The following HECTD4 variants were observed in gnomAD, a reference collection of about 807,000 sequenced individuals.
The protein encoded by HECTD4 is HECT domain E3 ubiquitin protein ligase 4, also known as probable E3 ubiquitin-protein ligase HECTD4.
HECTD4 carries 114 observed loss-of-function variants against 471.5 expected under a neutral mutation model. The observed-to-expected ratio is 0.24, with a 90% CI of 0.21 to 0.28. The LOEUF (loss-of-function observed/expected upper bound fraction) is 0.28. HECTD4 is among the 10% of genes least tolerant of loss of function. The pLI is 1.00. For synonymous variants in HECTD4, 2,012 were observed against 2,256.0 expected, an observed-to-expected ratio of 0.89 and a Z score of 3.07; for missense variants, 3,866 against 5,651.5, an observed-to-expected ratio of 0.68 and a Z score of 10.13.
At chr12:112,366,879 T>G (rs1258952014) in intron 1 of HECTD4, among the ~76,000 whole-genome samples, 30 of 129,948 alleles carry the variant, frequency 2.3e-4, no homozygotes, top group African/African-American at 8.2e-4. Context: ...AAACTCTGTC[T>G]CAAAAAAAAA....
rs576653569 is a variant in HECTD4, at chr12:112,182,668, C to T, written c.10987+391G>A. On this transcript the variant is annotated intron_variant, in intron 62 of 75. Coordinates refer to ENST00000682272, the MANE Select transcript of HECTD4 (RefSeq NM_001388303.1). The stretch of plus-strand genomic sequence containing the variant: ...AAGGAAAAAATGACTTGAATACAAG[C>T]CCACATTCAAGCCTGTTGCAGGCGG... Among the ~76,000 whole-genome samples the T allele has an allele frequency of 1.0e-4, 16 of 152,382 alleles. No individual in the cohort carries two copies. In the South Asian group the frequency reaches 3.3e-3, roughly 32 times the overall value.
At chr12:112,258,228 A>C (rs1163135966) in intron 20 of HECTD4, among the ~76,000 whole-genome samples, 1 of 152,000 alleles carries the variant, frequency 6.6e-6, no homozygotes, top group Non-Finnish European at 1.5e-5. Flanking sequence ...TGCCTGCCAA[A>C]GTCATAATAT....
intron 44 of HECTD4, among the ~76,000 whole-genome samples, chr12:112,221,012 C>T (rs539225044): frequency 3.6e-4 from 55 of 151,984 alleles, no homozygotes; most frequent in Non-Finnish European, 6.9e-4. Context: ...AGTGCAATGG[C>T]GCAATCTCGG....
chr12:112,200,882 T>TGC, intron 54 of HECTD4, 84 bp from the exon 55 acceptor site: 1 of 1,111,936 alleles, frequency 9.0e-7, no homozygotes, highest in Non-Finnish European at 1.3e-6. Context: ...TGTGCGTGCG[T>TGC]GCGTGTGTGT....
intron 55 of HECTD4, among the ~76,000 whole-genome samples, chr12:112,195,634 G>T (rs2032218134): frequency 6.6e-6 from 1 of 152,168 alleles, no homozygotes. Context: ...CTATGGATAT[G>T]GGGTTTCTTT....
In HECTD4 at chr12:112,357,014, G is replaced by A. The variant is rs546527811; in HGVS notation, c.177+24938C>T. The stretch of plus-strand genomic sequence containing the variant: ...TACTTTGAGAGGCATTGTTCTGTAC[G>A]GAACATACTTTATTTTCCAGAGTAA... On this transcript the variant is annotated intron_variant, in intron 1 of 75. Transcript: ENST00000682272. Among the ~76,000 whole-genome samples, 9 of 152,148 alleles carry A rather than the reference G, an allele frequency of 5.9e-5. No homozygotes were observed. In the East Asian group the frequency reaches 1.7e-3, roughly 29 times the overall value.
chr12:112,298,881 C>CAA (rs374274010), intron 7 of HECTD4, among the ~76,000 whole-genome samples: 4 of 90,296 alleles, frequency 4.4e-5, no homozygotes, highest in Admixed American at 1.1e-4. Context: ...GACTCCATCT[C>CAA]AAAAAAAAAA....
chr12:112,279,941 T>G (rs1375347910), intron 8 of HECTD4, among the ~76,000 whole-genome samples: 2 of 152,216 alleles, frequency 1.3e-5, no homozygotes, highest in African/African-American at 4.8e-5. Context: ...CATCTGAGAT[T>G]AGTGAGAACA....
intron 66 of HECTD4, among the ~76,000 whole-genome samples, chr12:112,174,099 T>TCC (rs1241970509): frequency 6.6e-6 from 1 of 151,690 alleles, no homozygotes; most frequent in Non-Finnish European, 1.5e-5. Flanking sequence ...TGCCTCAGCC[T>TCC]CCCAAGTAGC....
intron 25 of HECTD4, among the ~76,000 whole-genome samples, chr12:112,249,192 T>C (rs895255741): frequency 2.0e-5 from 3 of 152,040 alleles, no homozygotes; most frequent in Non-Finnish European, 4.4e-5. Context: ...CCGTCTCTAC[T>C]AAAAACACAA....
chr12:112,162,987 A>C lies in HECTD4; in HGVS notation c.13120+55T>G. On this transcript the variant is annotated intron_variant, in intron 75 of 75. Transcript: ENST00000682272. The surrounding 1 kb of genome is among the most constrained non-coding windows in gnomAD (Gnocchi z 5.2). ...ATGGGGCCTGGCAGCCCCAGTTCCAAACAGAGAAAGGCTAGTGTGTCCCTA... is the reference window on the plus strand; with the variant it reads ...ATGGGGCCTGGCAGCCCCAGTTCCACACAGAGAAAGGCTAGTGTGTCCCTA... The C allele has an allele frequency of 7.2e-7, 1 of 1,391,710 alleles. No homozygotes were observed. The highest frequency in any genetic ancestry group is 1.0e-6 in the Non-Finnish European group (1 of 1,003,302). The allele number at this position is 1,391,710 out of a possible 1,614,324, so 86.2% of individuals were successfully genotyped here.
chr12:112,238,250 C>G (rs964623144), intron 34 of HECTD4, among the ~76,000 whole-genome samples: 5 of 151,988 alleles, frequency 3.3e-5, no homozygotes, highest in South Asian at 4.2e-4. Flanking sequence ...GGGTCTCGCT[C>G]TGTTGCCCAG....
rs772945401 is a variant in HECTD4, at chr12:112,164,090, GAC to G, written c.12701+17_12701+18del. On this transcript the variant is annotated intron_variant, in intron 73 of 75. Transcript: ENST00000682272. ...GCCGGGCCAGCCCCTGCCAGCCCCTGACACGCGCACACACTCACGCCACAAGG... is the reference window on the plus strand; with the variant it reads ...GCCGGGCCAGCCCCTGCCAGCCCCTGACGCGCACACACTCACGCCACAAGG... 1.1e-4 allele frequency: 152 copies of G among 1,446,448 alleles called. No individual in the cohort carries two copies. In the Middle Eastern group the frequency reaches 1.5e-3, roughly 14 times the overall value. The allele number at this position is 1,446,448 out of a possible 1,614,324, so 89.6% of individuals were successfully genotyped here. A position where few individuals can be genotyped will look rare whatever the true frequency, so the allele number is the denominator to read the frequency against.
intron 7 of HECTD4, among the ~76,000 whole-genome samples, chr12:112,285,041 T>C (rs1292650359): frequency 6.6e-6 from 1 of 152,136 alleles, no homozygotes; most frequent in Non-Finnish European, 1.5e-5. Flanking sequence ...TTTTGCCATG[T>C]TGCCCAGGCT....
intron 1 of HECTD4, among the ~76,000 whole-genome samples, chr12:112,352,662 G>A (rs1477598690): frequency 2.0e-5 from 3 of 149,364 alleles, no homozygotes; most frequent in African/African-American, 7.4e-5. Context: ...GCTGAAGTAC[G>A]GTGGTGCCAT....
At chr12:112,206,505 TA>T (rs1288420367) in intron 52 of HECTD4, among the ~76,000 whole-genome samples, 1 of 144,330 alleles carries the variant, frequency 6.9e-6, no homozygotes, top group Non-Finnish European at 1.5e-5. Flanking sequence ...AAAAAAATAA[TA>T]AAAAAAGTGG....
intron 59 of HECTD4, among the ~76,000 whole-genome samples, chr12:112,191,185 G>A (rs1182103813): frequency 6.6e-6 from 1 of 152,216 alleles, no homozygotes; most frequent in African/African-American, 2.4e-5. Context: ...GCTTACTGGG[G>A]TGGATTTGGC....
chr12:112,230,906 G>A (rs1399914284), intron 39 of HECTD4, 84 bp from the exon 40 acceptor site: 1 of 1,304,386 alleles, frequency 7.7e-7, no homozygotes, highest in East Asian at 2.6e-5. Context: ...AGCATCAGAG[G>A]AAAACCTTTT....
At chr12:112,175,101 ACT>A (rs1196904300) in intron 66 of HECTD4, among the ~76,000 whole-genome samples, 2 of 152,114 alleles carry the variant, frequency 1.3e-5, no homozygotes, top group Admixed American at 1.3e-4. Flanking sequence ...GCAAAGTGTG[ACT>A]CTGAGGATAA....
Sources: gnomAD v4.1 joint callset for allele counts (sites outside exome capture counted in the v4.1 genomes callset) on GRCh38, gnomAD v4.1.1 for gene constraint, Gnocchi (gnomAD v3.1) non-coding constraint, MANE v1.5 for transcripts, NCBI Gene and HGNC (gene_info 2026-07-23, HGNC 2026-07-21) for gene names.